SNX19: variants seen among roughly 807,000 people sequenced by gnomAD.
SNX19 encodes the protein sorting nexin 19.
A neutral mutation model predicts 85.2 loss-of-function variants in SNX19; 60 were observed. That is an observed-to-expected ratio of 0.70 (90% CI 0.57 to 0.87). The LOEUF (loss-of-function observed/expected upper bound fraction) is 0.87. Among genes scored for constraint, SNX19 ranks in the 40% least tolerant of loss-of-function variants. The pLI is 0.00. For synonymous variants in SNX19, 520 were observed against 470.0 expected, an observed-to-expected ratio of 1.11 and a Z score of -1.38; for missense variants, 1,201 against 1,217.8, an observed-to-expected ratio of 0.99 and a Z score of 0.21.
chr11:130,888,273 T>C, intron 8 of SNX19, among the ~76,000 whole-genome samples: 1 of 152,218 alleles, frequency 6.6e-6, no homozygotes, highest in East Asian at 1.9e-4. Context: ...TAACTACTCC[T>C]CTAAGATTAG....
chr11:130,911,914 C>T, intron 1 of SNX19, 143 bp from the exon 2 acceptor site: 1 of 753,112 alleles, frequency 1.3e-6, no homozygotes, highest in South Asian at 1.9e-5. Context: ...CTATTCTGTT[C>T]CAGAACCTCC....
At position 130,903,366 on chromosome 11, in the gene SNX19, G is replaced by A. The variant is rs1945399179; in HGVS notation, c.2462C>T (p.Ala821Val). 2.5e-6 allele frequency: 4 copies of A among 1,612,536 alleles called. No homozygotes were observed. Among genetic ancestry groups the A allele is most frequent in the African/African-American group, 2.7e-5 (2 of 74,972 alleles). ...GAGGAGCAGATCCAGGGCTGTGTCA[G>A]CTAACTCTGTCTCTGTTCCTGAGGG... The part of the protein sequence containing the change: ...NSDPGTETEL[A>V]DTALDLLLLL... Residue 821 changes from alanine to valine, a missense_variant, in exon 8 of 11, where the codon GCT (alanine) becomes GTT (valine). This residue lies in a region of SNX19 where 285 missense variants were observed against 295.3 expected (regional missense o/e 0.97). Coordinates refer to ENST00000265909, the MANE Select transcript of SNX19 (RefSeq NM_014758.3).
rs1485759064 is a variant in SNX19, at chr11:130,869,815, C to A, written c.*8607G>T. On this transcript the variant is annotated 3_prime_UTR_variant, in exon 11 of 11. Transcript: ENST00000265909. ...TCATGCATTTAAGGTTCACATATAG[C>A]CTTAAGTTGATGTCCATATTGATTT... 1 of 151,664 alleles carries A rather than the reference C, an allele frequency of 6.6e-6. No individual in the cohort carries two copies. Among genetic ancestry groups the A allele is most frequent in the African/African-American group, 2.4e-5 (1 of 41,228 alleles). 9.4% of individuals were successfully genotyped at this position (151,664 alleles called of 1,614,324 possible).
At chr11:130,897,955 C>T (rs1367177847) in intron 8 of SNX19, among the ~76,000 whole-genome samples, 3 of 152,186 alleles carry the variant, frequency 2.0e-5, no homozygotes, top group Admixed American at 6.5e-5. Flanking sequence ...GAAGCTGACA[C>T]ATGAGGTTAG....
chr11:130,902,853 T>G (rs1945349192), intron 8 of SNX19, among the ~76,000 whole-genome samples: 1 of 152,200 alleles, frequency 6.6e-6, no homozygotes, highest in Admixed American at 6.5e-5. Flanking sequence ...CACTGATCTG[T>G]TTTCTCCTTT....
In SNX19 at chr11:130,870,262, C is replaced by A. The variant is rs1269612245; in HGVS notation, c.*8160G>T. The A allele has an allele frequency of 6.6e-6, 1 of 152,214 alleles. No individual in the cohort carries two copies. The highest frequency in any genetic ancestry group is 1.5e-5 in the Non-Finnish European group (1 of 68,054). The allele number at this position is 152,214 out of a possible 1,614,324, so 9.4% of individuals were successfully genotyped here. A position where few individuals can be genotyped will look rare whatever the true frequency, so the allele number is the denominator to read the frequency against. Reference sequence around the variant, plus strand: ...CAGATTGCTAAAAGGAGGTGTATAACCCTGCTCTTCAGCAGAAAGACCGCA... The same window carrying A: ...CAGATTGCTAAAAGGAGGTGTATAAACCTGCTCTTCAGCAGAAAGACCGCA... On this transcript the variant is annotated 3_prime_UTR_variant, in exon 11 of 11. Coordinates refer to ENST00000265909, the MANE Select transcript of SNX19 (RefSeq NM_014758.3).
chr11:130,913,540 C>A (rs901110333), intron 1 of SNX19, among the ~76,000 whole-genome samples: 26 of 152,182 alleles, frequency 1.7e-4, no homozygotes, highest in Admixed American at 6.5e-5. Context: ...AGGAGTGTAG[C>A]AAGCAGGCTG....
rs540152421 is a variant in SNX19, at chr11:130,911,194, C to CA, written c.1813+438dup. ...TGGGGGACAGAGCGAGACTCCATGT[C>CA]AAAAAAAAAAAAAAAAGGTTCCCCA... On this transcript the variant is annotated intron_variant, in intron 2 of 10. Coordinates refer to ENST00000265909, the MANE Select transcript of SNX19 (RefSeq NM_014758.3). Among the ~76,000 whole-genome samples, 464 of 80,810 alleles carry CA rather than the reference C, an allele frequency of 5.7e-3. 12 individuals carry two copies. The East Asian group carries it at 0.073, about 13-fold the overall frequency. The allele number at this position is 80,810 out of a possible 152,430, so 53.0% of individuals were successfully genotyped here.
At chr11:130,895,724 G>C (rs148830251) in intron 8 of SNX19, among the ~76,000 whole-genome samples, 65 of 152,264 alleles carry the variant, frequency 4.3e-4, no homozygotes, top group Admixed American at 7.2e-4. Flanking sequence ...CACACACACA[G>C]AAATGCAAAT....
At chr11:130,890,989 G>A (rs1368553285) in intron 8 of SNX19, among the ~76,000 whole-genome samples, 1 of 150,700 alleles carries the variant, frequency 6.6e-6, no homozygotes, top group East Asian at 1.9e-4. Flanking sequence ...GCTGTATATG[G>A]GACAAACACT....
intron 7 of SNX19, 147 bp from the exon 8 acceptor site, chr11:130,903,531 G>T: frequency 1.4e-6 from 1 of 728,652 alleles, no homozygotes. Context: ...AATCAAAAGA[G>T]GTTTAACTCA....
intron 8 of SNX19, among the ~76,000 whole-genome samples, chr11:130,890,535 G>A (rs1944420822): frequency 6.6e-6 from 1 of 152,166 alleles, no homozygotes; most frequent in Non-Finnish European, 1.5e-5. Flanking sequence ...GTCTGAATGA[G>A]CAGACTCCCT....
intron 1 of SNX19, 74 bp downstream of exon 1, chr11:130,914,192 G>C: frequency 1.6e-6 from 2 of 1,282,994 alleles, no homozygotes; most frequent in Non-Finnish European, 2.2e-6. Context: ...TCTCCCCCAA[G>C]AACATTTGCT....
intron 6 of SNX19, 28 bp downstream of exon 6, chr11:130,906,597 C>A: frequency 6.6e-7 from 1 of 1,518,112 alleles, no homozygotes; most frequent in Non-Finnish European, 9.1e-7. Flanking sequence ...ATATTTTTGC[C>A]TCACATTCTC....
intron 8 of SNX19, among the ~76,000 whole-genome samples, chr11:130,882,747 G>A (rs1410717175): frequency 2.6e-5 from 4 of 152,120 alleles, no homozygotes; most frequent in African/African-American, 7.2e-5. Context: ...TGACCTGATC[G>A]GCTTCTCTGC....
chr11:130,877,146 C>T lies in SNX19; in HGVS notation c.*1276G>A, dbSNP rs1329730839. On this transcript the variant is annotated 3_prime_UTR_variant, in exon 11 of 11. Coordinates refer to ENST00000265909, the MANE Select transcript of SNX19 (RefSeq NM_014758.3). Reference sequence around the variant, plus strand: ...TCAGCGAAAGCAAGGCGCTAACAGGCGAGTGTGAAGCCAAAGGGCTCCCAG... The same window carrying T: ...TCAGCGAAAGCAAGGCGCTAACAGGTGAGTGTGAAGCCAAAGGGCTCCCAG... 1.3e-5 allele frequency: 2 copies of T among 152,228 alleles called. No individual in the cohort carries two copies. Among genetic ancestry groups the T allele is most frequent in the Non-Finnish European group, 2.9e-5 (2 of 68,052 alleles). 9.4% of individuals were successfully genotyped at this position (152,228 alleles called of 1,614,324 possible).
Position 130,883,608 on chromosome 11 carries a change from G to A in SNX19, c.2574-2802C>T, listed in dbSNP as rs116484014. ...GACACAAACCACACACTTGCACCAC[G>A]CATGGTTTAAACATTTGCTCTCTTT... On this transcript the variant is annotated intron_variant, in intron 8 of 10. Coordinates refer to ENST00000265909, the MANE Select transcript of SNX19 (RefSeq NM_014758.3). 9.5e-3 allele frequency among the ~76,000 whole-genome samples: 1,443 copies of A among 152,220 alleles called. 20 individuals are homozygous for A. Among genetic ancestry groups the A allele is most frequent in the African/African-American group, 0.032 (1,317 of 41,530 alleles).
Position 130,878,531 on chromosome 11 carries a change from T to C in SNX19, c.2870A>G (p.Asp957Gly), listed in dbSNP as rs774938650. Residue 957 changes from aspartate to glycine, a missense_variant, in exon 11 of 11, where the codon GAC becomes GGC. Asp to Gly is a moderately conservative substitution (Grantham distance 94). Around this residue, in one of 3 missense-constraint regions of SNX19, gnomAD observed 285 missense variants for 295.3 expected, o/e 0.97. Coordinates refer to ENST00000265909, the MANE Select transcript of SNX19 (RefSeq NM_014758.3). ...INRHLIYCLG[D>G]IILEFLDLSA... ...GAGATCCAAGAATTCCAGGATGATG[T>C]CCCCAAGGCAGTAAATCAAATGCCT... is the stretch of plus-strand genomic sequence containing the variant. The C allele has an allele frequency of 1.2e-6, 2 of 1,613,444 alleles. No individual in the cohort carries two copies. The highest frequency in any genetic ancestry group is 1.7e-5 in the Admixed American group (1 of 59,966).
At chr11:130,898,927 G>T (rs957294061) in intron 8 of SNX19, among the ~76,000 whole-genome samples, 2 of 152,106 alleles carry the variant, frequency 1.3e-5, no homozygotes, top group African/African-American at 4.8e-5. Context: ...GCAAAGATCT[G>T]ATCCTGAAAT....
Sources: gnomAD v4.1 joint callset for allele counts (sites outside exome capture counted in the v4.1 genomes callset) on GRCh38, gnomAD v4.1.1 for gene constraint, gnomAD v4.1.1 regional missense constraint, MANE v1.5 for transcripts, NCBI Gene and HGNC (gene_info 2026-07-23, HGNC 2026-07-21) for gene names.